Variants in TSPAN9 observed in about 807,000 individuals in gnomAD.
TSPAN9 encodes tetraspanin-9.
Under a neutral mutation model 31.0 loss-of-function variants are expected in TSPAN9, and 16 were observed. The observed-to-expected ratio is 0.52, with a 90% CI of 0.35 to 0.78. TSPAN9 has a LOEUF of 0.78. TSPAN9 is among the 30% of genes least tolerant of loss of function. The pLI, the probability that TSPAN9 is intolerant of heterozygous loss-of-function variation, is 0.01. For missense variants in TSPAN9, 272 were observed against 312.5 expected (o/e 0.87, Z 0.98); for synonymous variants, 145 against 121.6 (o/e 1.19, Z -1.27).
chr12:3,096,034 G>T, intron 2 of TSPAN9, among the ~76,000 whole-genome samples: 1 of 50,984 alleles, frequency 2.0e-5, no homozygotes, highest in East Asian at 3.9e-4. Context: ...TCCTCCAGCC[G>T]CTGCCTCCCG....
intron 3 of TSPAN9, among the ~76,000 whole-genome samples, chr12:3,269,844 G>A (rs896341643): frequency 6.6e-6 from 1 of 152,242 alleles, no homozygotes; most frequent in African/African-American, 2.4e-5. Flanking sequence ...TCTGGGAAGA[G>A]CCCCTGGCCC....
At chr12:3,105,781 CTCAT>C (rs2098314176) in intron 2 of TSPAN9, among the ~76,000 whole-genome samples, 4 of 149,066 alleles carry the variant, frequency 2.7e-5, no homozygotes, top group African/African-American at 1.0e-4. Flanking sequence ...CGCACACACG[CTCAT>C]ACACACTCAC....
At chr12:3,239,750 C>T (rs2098395610) in intron 3 of TSPAN9, among the ~76,000 whole-genome samples, 1 of 152,106 alleles carries the variant, frequency 6.6e-6, no homozygotes, top group Non-Finnish European at 1.5e-5. Flanking sequence ...ACTTATCCTT[C>T]TGGGAGGGTC....
intron 2 of TSPAN9, among the ~76,000 whole-genome samples, chr12:3,087,469 G>A (rs1338895005): frequency 2.0e-5 from 3 of 152,084 alleles, no homozygotes; most frequent in African/African-American, 2.4e-5. Flanking sequence ...AGCCATGATC[G>A]TACCACTGCA....
At chr12:3,094,535 GTTGTTTTTT>G (rs978268954) in intron 2 of TSPAN9, among the ~76,000 whole-genome samples, 4 of 140,422 alleles carry the variant, frequency 2.8e-5, no homozygotes, top group Admixed American at 7.0e-5. Context: ...TGTTGTTGTT[GTTGTTTTTT>G]TTTTTTTTTG....
chr12:3,133,388 A>AT (rs35623236), intron 2 of TSPAN9, among the ~76,000 whole-genome samples: 91,578 of 151,264 alleles, frequency 0.61, 27,879 homozygotes, highest in Admixed American at 0.65. Context: ...TTATTATATA[A>AT]TTTTTTTTTG....
intron 2 of TSPAN9, among the ~76,000 whole-genome samples, chr12:3,101,647 A>G (rs2098311891): frequency 6.6e-6 from 1 of 152,062 alleles, no homozygotes; most frequent in African/African-American, 2.4e-5. Flanking sequence ...ACTGGCTGCT[A>G]CCACCCCTGG....
intron 3 of TSPAN9, among the ~76,000 whole-genome samples, chr12:3,268,173 A>ACCCTCCGTGCGTTCCTGCAGCCTG (rs1862574512): frequency 7.7e-6 from 1 of 129,112 alleles, no homozygotes; most frequent in Admixed American, 7.7e-5. Context: ...CCTGCAGCCT[A>ACCCTCCGTGCGTTCCTGCAGCCTG]CCCTCCGTGC....
At chr12:3,244,674 CT>C (rs1287465904) in intron 3 of TSPAN9, among the ~76,000 whole-genome samples, 1 of 152,232 alleles carries the variant, frequency 6.6e-6, no homozygotes, top group Non-Finnish European at 1.5e-5. Flanking sequence ...AGCCACCCCC[CT>C]AAAGGGGACC....
At chr12:3,091,659 A>G (rs2098304719) in intron 2 of TSPAN9, among the ~76,000 whole-genome samples, 1 of 152,228 alleles carries the variant, frequency 6.6e-6, no homozygotes, top group Non-Finnish European at 1.5e-5. Context: ...GCATTCATCA[A>G]ATAAGAACAA....
intron 2 of TSPAN9, among the ~76,000 whole-genome samples, chr12:3,097,425 A>G (rs2098309675): frequency 2.6e-5 from 4 of 152,210 alleles, no homozygotes; most frequent in Admixed American, 2.6e-4. Flanking sequence ...ATTGAGCAGA[A>G]TGGAAGGATG....
chr12:3,276,281 A>ATG (rs892417906), intron 3 of TSPAN9, among the ~76,000 whole-genome samples: 7 of 151,714 alleles, frequency 4.6e-5, no homozygotes, highest in African/African-American at 1.7e-4. Context: ...TCTGCTGAAA[A>ATG]CCTCAGTGAG....
intron 2 of TSPAN9, among the ~76,000 whole-genome samples, chr12:3,114,089 G>T (rs181382070): frequency 7.9e-5 from 12 of 152,280 alleles, no homozygotes; most frequent in Non-Finnish European, 1.5e-4. Context: ...ATCTAGCTCT[G>T]TGATCAGCCA....
chr12:3,100,702 C>G (rs2098311489), intron 2 of TSPAN9, among the ~76,000 whole-genome samples: 1 of 152,192 alleles, frequency 6.6e-6, no homozygotes, highest in South Asian at 2.1e-4. Context: ...TGGTGTCATC[C>G]TTCTGCACTG....
At chr12:3,164,550 T>C (rs918252093) in intron 2 of TSPAN9, among the ~76,000 whole-genome samples, 1 of 152,228 alleles carries the variant, frequency 6.6e-6, no homozygotes, top group Admixed American at 6.5e-5. Context: ...CTTGCACTTG[T>C]CCCAGGCCTG....
At chr12:3,097,353 A>T (rs2153964066) in intron 2 of TSPAN9, among the ~76,000 whole-genome samples, 1 of 152,322 alleles carries the variant, frequency 6.6e-6, no homozygotes, top group African/African-American at 2.4e-5. Context: ...GTGTGTGGCT[A>T]TTTTGGGTTT....
chr12:3,136,244 A>G (rs2098332074), intron 2 of TSPAN9, among the ~76,000 whole-genome samples: 2 of 152,220 alleles, frequency 1.3e-5, no homozygotes. Flanking sequence ...TTTGAGGGGC[A>G]GCCCTGAATC....
Position 3,170,816 on chromosome 12 carries a change from C to T in TSPAN9, c.-17-30361C>T, listed in dbSNP as rs886787854. Among the ~76,000 whole-genome samples, 13 of 152,148 alleles carry T rather than the reference C, an allele frequency of 8.5e-5. No homozygotes were observed. Among genetic ancestry groups the T allele is most frequent in the African/African-American group, 3.1e-4 (13 of 41,416 alleles). On this transcript the variant is annotated intron_variant, in intron 2 of 8. Transcript: ENST00000011898. This position sits in a 1 kb window ranked among gnomAD's most constrained non-coding sequence, Gnocchi z 4.4. ...GAGGCTTCGAGGTCCACCATCACCTCGTTTTCTGCCGGGCAGGGACTCCTG... is the reference window on the plus strand; with the variant it reads ...GAGGCTTCGAGGTCCACCATCACCTTGTTTTCTGCCGGGCAGGGACTCCTG...
intron 3 of TSPAN9, among the ~76,000 whole-genome samples, chr12:3,270,877 G>C (rs1862665514): frequency 6.6e-6 from 1 of 152,236 alleles, no homozygotes; most frequent in Admixed American, 6.5e-5. Context: ...TTGGTCAATT[G>C]GGGAAGGGTT....
Sources: allele counts gnomAD v4.1 joint callset (sites outside exome capture counted in the v4.1 genomes callset), GRCh38; gene constraint gnomAD v4.1.1; non-coding constraint Gnocchi (gnomAD v3.1); transcripts MANE v1.5; gene names NCBI Gene and HGNC (gene_info 2026-07-23, HGNC 2026-07-21).